The following SIGLEC10 variants were observed in gnomAD, a reference collection of about 807,000 sequenced individuals.
SIGLEC10 encodes the protein sialic acid binding Ig like lectin 10.
A neutral mutation model predicts 68.3 loss-of-function variants in SIGLEC10; 45 were observed. The observed-to-expected ratio is 0.66, with a 90% CI of 0.52 to 0.84. The LOEUF (loss-of-function observed/expected upper bound fraction) is 0.84, where lower values mean the gene tolerates loss of function less well. SIGLEC10 is among the 40% of genes least tolerant of loss of function. The pLI, the probability that SIGLEC10 is intolerant of heterozygous loss-of-function variation, is 0.00. For synonymous variants in SIGLEC10, 379 were observed against 370.8 expected (o/e 1.02, Z -0.26); for missense variants, 789 against 883.1 (o/e 0.89, Z 1.35).
chr19:51,414,035 G>A lies in SIGLEC10; in HGVS notation c.1710-212C>T, dbSNP rs1042882851. 6.6e-6 allele frequency among the ~76,000 whole-genome samples: 1 copy of A among 152,186 alleles called. No individual in the cohort carries two copies. The highest frequency in any genetic ancestry group is 2.4e-5 in the African/African-American group (1 of 41,442). The stretch of plus-strand genomic sequence containing the variant: ...AAGGGGTCAGGGGAAGAAGAAGAGG[G>A]TTCCCTGCTACTAGTGAGCCAGGGC... On this transcript the variant is annotated intron_variant, in intron 9 of 10. Coordinates refer to ENST00000339313, the MANE Select transcript of SIGLEC10 (RefSeq NM_033130.5). This position sits in a 1 kb window ranked among gnomAD's most constrained non-coding sequence, Gnocchi z 4.1.
Position 51,413,618 on chromosome 19 carries a change from C to T in SIGLEC10, c.1821+94G>A, listed in dbSNP as rs1988211536. 8 of 1,124,454 alleles carry T rather than the reference C, an allele frequency of 7.1e-6. No homozygotes were observed. The South Asian group carries it at 9.5e-5, about 13-fold the overall frequency. 69.7% of individuals were successfully genotyped at this position (1,124,454 alleles called of 1,614,324 possible). The stretch of plus-strand genomic sequence containing the variant: ...TTCAGAACTATCGGTGCTTTTCCCA[C>T]CTTGATGTCGCTAAGACAAGGGGTG... On this transcript the variant is annotated intron_variant, in intron 10 of 10. Transcript: ENST00000339313.
In SIGLEC10 at chr19:51,416,190, AAAG is replaced by A. The variant is rs769178195; in HGVS notation, c.755-26_755-24del. The A allele has an allele frequency of 1.5e-5, 24 of 1,603,280 alleles. No individual in the cohort carries two copies. The Admixed American group carries it at 2.5e-4, about 17-fold the overall frequency. On this transcript the variant is annotated intron_variant, in intron 4 of 10. Coordinates refer to ENST00000339313, the MANE Select transcript of SIGLEC10 (RefSeq NM_033130.5). ...GGGCTGGAGTGGGAGGAAAAAAAAA[AAAG>A]AGAGAAAGGGAGGGAGAAAGAGAGA... is the stretch of plus-strand genomic sequence containing the variant.
intron 10 of SIGLEC10, among the ~76,000 whole-genome samples, chr19:51,412,908 T>C (rs567252561): frequency 2.6e-5 from 4 of 152,092 alleles, no homozygotes; most frequent in Admixed American, 6.6e-5. Context: ...GCTGGGACAA[T>C]GGGCATGCAC....
chr19:51,416,717 A>G lies in SIGLEC10; in HGVS notation c.655T>C (p.Phe219Leu), dbSNP rs764884110. Residue 219 changes from phenylalanine to leucine, a missense_variant, in exon 3 of 11, where the codon TTC becomes CTC. Physicochemically the swap from Phe to Leu is conservative, Grantham distance 22. Transcript: ENST00000339313. ...HNTDLTCHVD[F>L]SRKGVSAQRT... ...TGTGCGCTCACACCCTTTCTGGAGA[A>G]GTCCACATGGCAGGTGAGGTCGGTG... The G allele has an allele frequency of 1.9e-6, 3 of 1,614,222 alleles. No individual in the cohort carries two copies. Among genetic ancestry groups the G allele is most frequent in the Non-Finnish European group, 2.5e-6 (3 of 1,180,030 alleles).
In SIGLEC10 at chr19:51,411,042, C is replaced by T; in HGVS notation, c.*57G>A. The stretch of plus-strand genomic sequence containing the variant: ...AAACTTTGCACTCTGTTATCTTCAA[C>T]CTCTTACTCTACCTTCCTCCCTAGC... On this transcript the variant is annotated 3_prime_UTR_variant, in exon 11 of 11. Transcript: ENST00000339313. 1 of 1,557,142 alleles carries T rather than the reference C, an allele frequency of 6.4e-7. No homozygotes were observed. The highest frequency in any genetic ancestry group is 8.7e-7 in the Non-Finnish European group (1 of 1,149,574).
At position 51,415,016 on chromosome 19, in the gene SIGLEC10, G is replaced by T. The variant is rs771096436; in HGVS notation, c.1423C>A (p.Arg475Ser). 22 of 1,610,858 alleles carry T rather than the reference G, an allele frequency of 1.4e-5. No homozygotes were observed. In the Admixed American group the frequency reaches 3.4e-4, roughly 25 times the overall value. ...AGCAGCTCCTCCCCAAGCCACCAGCGCAGAGAGGGGGCCGGGCTGGCCTGG... is the reference window on the plus strand; with the variant it reads ...AGCAGCTCCTCCCCAAGCCACCAGCTCAGAGAGGGGGCCGGGCTGGCCTGG... The part of the protein sequence containing the change: ...SSQASPAPSL[R>S]WWLGEELLEG... The change falls in exon 8 of 11, where the codon CGC becomes AGC. Residue 475 changes from arginine to serine, a missense_variant. By Grantham distance (110) the Arg-to-Ser change is moderately radical (BLOSUM62 -1). Coordinates refer to ENST00000339313, the MANE Select transcript of SIGLEC10 (RefSeq NM_033130.5).
At chr19:51,413,619 C>G in intron 10 of SIGLEC10, 93 bp downstream of exon 10, 2 of 1,128,900 alleles carry the variant, frequency 1.8e-6, no homozygotes, top group South Asian at 1.4e-5. Context: ...CTTTTCCCAC[C>G]TTGATGTCGC....
intron 4 of SIGLEC10, 68 bp from the exon 5 acceptor site, chr19:51,416,235 G>C (rs112240582): frequency 0.013 from 21,735 of 1,611,932 alleles, 295 homozygotes; most frequent in Admixed American, 0.068. Flanking sequence ...ACAGGGAGGA[G>C]CACATCCCCT....
chr19:51,414,788 C>T lies in SIGLEC10; in HGVS notation c.1615+36G>A, dbSNP rs765286397. 44 of 1,608,574 alleles carry T rather than the reference C, an allele frequency of 2.7e-5. No individual in the cohort carries two copies. Among genetic ancestry groups the T allele is most frequent in the Non-Finnish European group, 3.6e-5 (42 of 1,178,716 alleles). Reference sequence around the variant, plus strand: ...CTACTCTTTGCCCCAGTCAGCTTCTCCTCCAAGAACCTTGGCATCCAGGCG... The same window carrying T: ...CTACTCTTTGCCCCAGTCAGCTTCTTCTCCAAGAACCTTGGCATCCAGGCG... On this transcript the variant is annotated intron_variant, in intron 8 of 10. Transcript: ENST00000339313. The surrounding 1 kb of genome is among the most constrained non-coding windows in gnomAD (Gnocchi z 4.1).
chr19:51,414,979 C>G lies in SIGLEC10; in HGVS notation c.1460G>C (p.Ser487Thr), dbSNP rs1988437978. The G allele has an allele frequency of 1.2e-5, 19 of 1,613,320 alleles. No individual in the cohort carries two copies. The highest frequency in any genetic ancestry group is 1.5e-5 in the Non-Finnish European group (18 of 1,179,934). The change falls in exon 8 of 11, where the codon AGC (serine) becomes ACC (threonine). Residue 487 changes from serine (S) to threonine (T), a missense_variant. Ser to Thr is a moderately conservative substitution (Grantham distance 58). Transcript: ENST00000339313. The surrounding 1 kb of genome is among the most constrained non-coding windows in gnomAD (Gnocchi z 4.1). ...GGTGACCTCGAAGGAGTCCTGGCTG[C>G]TGTTCCCCTCCAGCAGCTCCTCCCC... ...WLGEELLEGNSSQDSFEVTPS... is the reference protein window; with the variant it reads ...WLGEELLEGNTSQDSFEVTPS...
At position 51,415,229 on chromosome 19, in the gene SIGLEC10, G is replaced by A. The variant is rs536401841; in HGVS notation, c.1282C>T (p.Arg428Trp). The stretch of plus-strand genomic sequence containing the variant: ...ACGTGCTGGGAGCCCAGTGGGTGCC[G>A]AGCGTGGCAGGTGAACTCTCCTTCG... ...EHEGEFTCHA[R>W]HPLGSQHVSL... The change falls in exon 7 of 11, where the codon CGG becomes TGG. Residue 428 changes from arginine to tryptophan, a missense_variant. Coordinates refer to ENST00000339313, the MANE Select transcript of SIGLEC10 (RefSeq NM_033130.5). The A allele has an allele frequency of 2.9e-5, 46 of 1,613,556 alleles. No individual in the cohort carries two copies. Among genetic ancestry groups the A allele is most frequent in the East Asian group, 1.6e-4 (7 of 44,868 alleles).
Position 51,413,740 on chromosome 19 carries a change from A to T in SIGLEC10, c.1793T>A (p.Ile598Asn), listed in dbSNP as rs767172137. 18 of 1,614,158 alleles carry T rather than the reference A, an allele frequency of 1.1e-5. No homozygotes were observed. The South Asian group carries it at 2.0e-4, about 18-fold the overall frequency. The change falls in exon 10 of 11, where the codon ATC (isoleucine) becomes AAC (asparagine). Residue 598 changes from isoleucine (I) to asparagine (N), a missense_variant. Physicochemically the swap from Ile to Asn is moderately radical, Grantham distance 149. Transcript: ENST00000339313. Reference protein sequence around the residue: ...FSRHSTILDYINVVPTAGPLA... With the variant: ...FSRHSTILDYNNVVPTAGPLA... ...GGGGCCAGCCGTCGGGACCACATTGATGTAATCCAGGATCGTGCTGTGCCG... is the reference window on the plus strand; with the variant it reads ...GGGGCCAGCCGTCGGGACCACATTGTTGTAATCCAGGATCGTGCTGTGCCG...
At chr19:51,416,284 A>C in intron 4 of SIGLEC10, 26 bp downstream of exon 4, 1 of 1,613,980 alleles carries the variant, frequency 6.2e-7, no homozygotes, top group Non-Finnish European at 8.5e-7. Flanking sequence ...CAACTGGCCC[A>C]GCCCCAGCCC....
chr19:51,411,515 G>A, intron 10 of SIGLEC10, 144 bp from the exon 11 acceptor site: 1 of 1,068,420 alleles, frequency 9.4e-7, no homozygotes, highest in Non-Finnish European at 1.3e-6. Context: ...TTGGAAGGAG[G>A]AACAGACAAT....
In SIGLEC10 at chr19:51,416,064, C is replaced by T; in HGVS notation, c.858G>A (p.Leu286=). ...CAADSQPPAT[L]SWVLQNRVLS... is the part of the protein sequence containing the mutation. Reference sequence around the variant, plus strand: ...GGACTCTGTTCTGCAGGACCCAGCTCAGTGTGGCAGGGGGCTGGCTGTCAG... The same window carrying T: ...GGACTCTGTTCTGCAGGACCCAGCTTAGTGTGGCAGGGGGCTGGCTGTCAG... Residue 286 remains leucine, a synonymous_variant, in exon 5 of 11, where the codon CTG becomes CTA. Transcript: ENST00000339313. The T allele has an allele frequency of 6.2e-7, 1 of 1,612,516 alleles. No homozygotes were observed. Among genetic ancestry groups the T allele is most frequent in the South Asian group, 1.1e-5 (1 of 90,968 alleles).
chr19:51,416,539 T>A (rs913737174), intron 3 of SIGLEC10, 127 bp downstream of exon 3: 1 of 1,570,226 alleles, frequency 6.4e-7, no homozygotes, highest in Non-Finnish European at 8.6e-7. Context: ...GGCGGCATCC[T>A]GGGACCCCAC....
chr19:51,412,049 A>T (rs2123719407), intron 10 of SIGLEC10, among the ~76,000 whole-genome samples: 1 of 151,912 alleles, frequency 6.6e-6, no homozygotes, highest in South Asian at 2.1e-4. Context: ...AGGCTGAGGC[A>T]GATGAATCGC....
At position 51,417,427 on chromosome 19, in the gene SIGLEC10, G is replaced by C. The variant is rs1988806226; in HGVS notation, c.76C>G (p.Gln26Glu). ...CCCTCCGGCACCATCACTGACTCCT[G>C]CACTCGTATCCAGAATCTCCCATCC... ...AMDGRFWIRV[Q>E]ESVMVPEGLC... The change falls in exon 2 of 11, where the codon CAG becomes GAG. Residue 26 changes from glutamine to glutamate, a missense_variant. Gln to Glu is a conservative substitution (Grantham distance 29). Transcript: ENST00000339313. 4.3e-6 allele frequency: 7 copies of C among 1,614,006 alleles called. No homozygotes were observed. In the East Asian group the frequency reaches 1.6e-4, roughly 36 times the overall value.
chr19:51,416,811 G>C lies in SIGLEC10; in HGVS notation c.561C>G (p.Ser187=). ...SFSWTGAALS[S]QGTKPTTSHF... The stretch of plus-strand genomic sequence containing the variant: ...GGGAGGTCGTTGGTTTGGTTCCTTG[G>C]GAGGAGAGGGCAGCCCCCGTCCAGG... The change falls in exon 3 of 11, where the codon TCC becomes TCG. Residue 187 remains serine, a synonymous_variant. Coordinates refer to ENST00000339313, the MANE Select transcript of SIGLEC10 (RefSeq NM_033130.5). 1 of 1,613,846 alleles carries C rather than the reference G, an allele frequency of 6.2e-7. No homozygotes were observed.
Sources: gnomAD v4.1 joint callset for allele counts (sites outside exome capture counted in the v4.1 genomes callset) on GRCh38, gnomAD v4.1.1 for gene constraint, Gnocchi (gnomAD v3.1) non-coding constraint, MANE v1.5 for transcripts, NCBI Gene and HGNC (gene_info 2026-07-23, HGNC 2026-07-21) for gene names.